The following NCOA3 variants were observed in gnomAD, a reference collection of about 807,000 sequenced individuals.
The protein encoded by NCOA3 is CBP-interacting protein.
NCOA3 carries 51 observed loss-of-function variants against 158.8 expected under a neutral mutation model. The observed-to-expected ratio is 0.32, with a 90% CI of 0.26 to 0.41. The LOEUF is 0.41. NCOA3 is among the 10% of genes least tolerant of loss of function. NCOA3 has a pLI of 1.00. For missense variants in NCOA3, 1,510 were observed against 1,746.6 expected (o/e 0.86, Z 2.41); for synonymous variants, 537 against 592.4 (o/e 0.91, Z 1.36).
chr20:47,652,069 C>T (rs1334304583), intron 20 of NCOA3, among the ~76,000 whole-genome samples: 2 of 152,090 alleles, frequency 1.3e-5, no homozygotes, highest in Non-Finnish European at 2.9e-5. Flanking sequence ...GCCCTGTCAT[C>T]TGAGGATTAT....
chr20:47,503,194 C>T (rs1289472835), intron 1 of NCOA3, among the ~76,000 whole-genome samples: 1 of 152,160 alleles, frequency 6.6e-6, no homozygotes, highest in East Asian at 1.9e-4. Context: ...CTCGGATCCA[C>T]CTAACTGATC....
At chr20:47,606,346 C>T (rs561698749) in intron 2 of NCOA3, among the ~76,000 whole-genome samples, 2 of 152,248 alleles carry the variant, frequency 1.3e-5, no homozygotes, top group Admixed American at 1.3e-4. Flanking sequence ...TATTTTCATC[C>T]CGTTGGTGTT....
chr20:47,588,272 C>G (rs7266040), intron 2 of NCOA3, among the ~76,000 whole-genome samples: 32 of 150,652 alleles, frequency 2.1e-4, no homozygotes, highest in Middle Eastern at 3.4e-3. Context: ...GTAGCTGCAA[C>G]TACAGGTGCG....
At position 47,635,585 on chromosome 20, in the gene NCOA3, A is replaced by C. The variant is rs752600471; in HGVS notation, c.1376A>C (p.Tyr459Ser). The C allele has an allele frequency of 1.9e-6, 3 of 1,614,042 alleles. No homozygotes were observed. Among genetic ancestry groups the C allele is most frequent in the Non-Finnish European group, 2.5e-6 (3 of 1,180,036 alleles). ...CCATCTTCCTACCAGAACAACAACTATGGGCTCAACATGAGTAGCCCCCCA... is the reference window on the plus strand; with the variant it reads ...CCATCTTCCTACCAGAACAACAACTCTGGGCTCAACATGAGTAGCCCCCCA... ...QSPSSYQNNN[Y>S]GLNMSSPPHG... The change falls in exon 11 of 23, where the codon TAT becomes TCT. Residue 459 changes from tyrosine to serine, a missense_variant. By Grantham distance (144) the Tyr-to-Ser change is moderately radical. Coordinates refer to ENST00000371998, the MANE Select transcript of NCOA3 (RefSeq NM_181659.3).
At chr20:47,526,487 A>G (rs1055812505) in intron 1 of NCOA3, among the ~76,000 whole-genome samples, 7 of 152,202 alleles carry the variant, frequency 4.6e-5, no homozygotes, top group Non-Finnish European at 2.9e-5. Context: ...CACTGAGTGA[A>G]CGAGACTCCG....
intron 1 of NCOA3, among the ~76,000 whole-genome samples, chr20:47,560,946 A>G (rs186925605): frequency 5.5e-5 from 8 of 146,550 alleles, no homozygotes; most frequent in Non-Finnish European, 1.2e-4. Context: ...ACTGTGCCCA[A>G]TATGTAGTCT....
intron 1 of NCOA3, among the ~76,000 whole-genome samples, chr20:47,555,632 G>GTTTTTTT (rs74178745): frequency 7.8e-5 from 5 of 64,184 alleles, no homozygotes; most frequent in Non-Finnish European, 8.2e-5. Context: ...CTATTAAAGT[G>GTTTTTTT]TTTTTTTTTT....
chr20:47,605,131 G>T (rs2085925377), intron 2 of NCOA3, among the ~76,000 whole-genome samples: 1 of 152,238 alleles, frequency 6.6e-6, no homozygotes, highest in Non-Finnish European at 1.5e-5. Flanking sequence ...CTCCCAAAGT[G>T]CTGGGATAAT....
chr20:47,627,395 A>C (rs1227626796), intron 6 of NCOA3, among the ~76,000 whole-genome samples, 166 bp from the exon 7 acceptor site: 1 of 152,238 alleles, frequency 6.6e-6, no homozygotes, highest in East Asian at 1.9e-4. Flanking sequence ...GATTTCTGTT[A>C]AAGTTGAAAT....
intron 2 of NCOA3, among the ~76,000 whole-genome samples, chr20:47,588,129 C>G (rs936855303): frequency 7.4e-6 from 1 of 135,140 alleles, no homozygotes; most frequent in Admixed American, 7.7e-5. Flanking sequence ...TTCTCCACCC[C>G]ACTTTTTTTT....
At chr20:47,582,165 A>G (rs1028247052) in intron 1 of NCOA3, among the ~76,000 whole-genome samples, 1 of 152,114 alleles carries the variant, frequency 6.6e-6, no homozygotes, top group Non-Finnish European at 1.5e-5. Flanking sequence ...GTGACAGAGT[A>G]CATATTATAT....
intron 1 of NCOA3, among the ~76,000 whole-genome samples, chr20:47,517,102 C>T (rs940372847): frequency 1.3e-5 from 2 of 151,572 alleles, no homozygotes; most frequent in African/African-American, 4.9e-5. Context: ...CCAGTAATCC[C>T]AGCTACTCGG....
At chr20:47,525,610 G>C (rs1602345476) in intron 1 of NCOA3, among the ~76,000 whole-genome samples, 1 of 142,070 alleles carries the variant, frequency 7.0e-6, no homozygotes, top group Non-Finnish European at 1.5e-5. Flanking sequence ...GCCGGGCGGG[G>C]GGCTGACCCC....
intron 16 of NCOA3, among the ~76,000 whole-genome samples, chr20:47,641,490 CTTTT>C (rs71183270): frequency 1.2e-3 from 60 of 48,362 alleles, no homozygotes; most frequent in South Asian, 4.4e-3. Flanking sequence ...TGGCTCCCTT[CTTTT>C]TTTTTTTTTT....
intron 1 of NCOA3, among the ~76,000 whole-genome samples, chr20:47,540,258 T>G (rs952369034): frequency 6.6e-6 from 1 of 152,162 alleles, no homozygotes; most frequent in Non-Finnish European, 1.5e-5. Flanking sequence ...TTGAAATGGA[T>G]TTTTCCTATT....
intron 1 of NCOA3, among the ~76,000 whole-genome samples, chr20:47,559,592 C>G (rs1870459303): frequency 6.6e-6 from 1 of 152,058 alleles, no homozygotes; most frequent in Non-Finnish European, 1.5e-5. Flanking sequence ...CATTAAAAAT[C>G]TTTTCAGGCT....
At chr20:47,615,003 A>G (rs1007925292) in intron 2 of NCOA3, among the ~76,000 whole-genome samples, 3 of 152,188 alleles carry the variant, frequency 2.0e-5, no homozygotes, top group Non-Finnish European at 4.4e-5. Flanking sequence ...GGTGGTGGGG[A>G]ATAAAATGCC....
chr20:47,515,376 A>T (rs1292474681), intron 1 of NCOA3, among the ~76,000 whole-genome samples: 1 of 148,174 alleles, frequency 6.7e-6, no homozygotes, highest in Non-Finnish European at 1.5e-5. Flanking sequence ...TTAGTCTTGA[A>T]CTCCTGATGT....
At position 47,624,011 on chromosome 20, in the gene NCOA3, T is replaced by A. The variant is rs2086283356; in HGVS notation, c.184T>A (p.Phe62Ile). 6.2e-7 allele frequency: 1 copy of A among 1,612,494 alleles called. No homozygotes were observed. The highest frequency in any genetic ancestry group is 8.5e-7 in the Non-Finnish European group (1 of 1,178,814). ...TGCCAATCTTAGTGATATTGACAATTTCAATGTCAAACCAGATAAATGTGC... is the reference window on the plus strand; with the variant it reads ...TGCCAATCTTAGTGATATTGACAATATCAATGTCAAACCAGATAAATGTGC... ...ISANLSDIDN[F>I]NVKPDKCAIL... Residue 62 changes from phenylalanine (F) to isoleucine (I), a missense_variant, in exon 4 of 23, where the codon TTC becomes ATC. This residue lies in a region of NCOA3 where 309 missense variants were observed against 427.1 expected (regional missense o/e 0.72). Transcript: ENST00000371998.
Sources: allele counts gnomAD v4.1 joint callset (sites outside exome capture counted in the v4.1 genomes callset), GRCh38; gene constraint gnomAD v4.1.1; regional missense constraint gnomAD v4.1.1; transcripts MANE v1.5; gene names NCBI Gene and HGNC (gene_info 2026-07-23, HGNC 2026-07-21).